The following AHCY variants were observed in gnomAD, a reference collection of about 807,000 sequenced individuals.
The protein encoded by AHCY is S-adenosyl-L-homocysteine hydrolase.
Under a neutral mutation model 45.4 loss-of-function variants are expected in AHCY, and 24 were observed. That is an observed-to-expected ratio of 0.53 (90% CI 0.38 to 0.74). AHCY has a LOEUF of 0.74. Among genes scored for constraint, AHCY ranks in the 30% least tolerant of loss-of-function variants. The pLI is 0.00. For synonymous variants in AHCY, 245 were observed against 235.1 expected (o/e 1.04, Z -0.39); for missense variants, 449 against 594.1 (o/e 0.76, Z 2.54).
At position 34,301,854 on chromosome 20, in the gene AHCY, C is replaced by A. The variant is rs534370910; in HGVS notation, c.28+1389G>T. ...CAACAGAATCTTTGCAAGTCACCTC[C>A]CAAGGGCCTCAGTTTCATGCTCTAT... On this transcript the variant is annotated intron_variant, in intron 1 of 9. Transcript: ENST00000217426. The A allele has an allele frequency of 9.4e-5, 93 of 985,430 alleles. No homozygotes were observed. The South Asian group carries it at 3.1e-3, about 33-fold the overall frequency. 61.0% of individuals were successfully genotyped at this position (985,430 alleles called of 1,614,324 possible). A position where few individuals can be genotyped will look rare whatever the true frequency, so the allele number is the denominator to read the frequency against.
intron 9 of AHCY, among the ~76,000 whole-genome samples, chr20:34,282,321 T>C (rs983001214): frequency 1.3e-5 from 2 of 152,178 alleles, no homozygotes; most frequent in African/African-American, 4.8e-5. Flanking sequence ...TCAACAGCGA[T>C]GTGAAGAGGA....
At chr20:34,262,733 G>T in the AHCY span, 1 of 1,346,058 alleles carries the variant, frequency 7.4e-7, no homozygotes. Context: ...TCCTCTCCCT[G>T]ACCTTGTGAC....
At chr20:34,284,401 A>G (rs1390647844) in intron 9 of AHCY, among the ~76,000 whole-genome samples, 2 of 151,912 alleles carry the variant, frequency 1.3e-5, no homozygotes, top group Admixed American at 1.3e-4. Flanking sequence ...ACCTCAAATG[A>G]TCTGCCCACC....
upstream of AHCY, among the ~76,000 whole-genome samples, chr20:34,306,076 C>T (rs1241942932): frequency 1.4e-4 from 9 of 65,530 alleles, no homozygotes; most frequent in African/African-American, 4.8e-4. Flanking sequence ...AACAAGACTG[C>T]CTCAAAAAAA....
downstream of AHCY, among the ~76,000 whole-genome samples, chr20:34,276,413 G>A (rs879808258): frequency 2.6e-5 from 4 of 152,118 alleles, no homozygotes; most frequent in Admixed American, 2.0e-4. Flanking sequence ...GGTTGAGGAG[G>A]GGCATTCAGT....
chr20:34,237,401 A>G, the AHCY span, among the ~76,000 whole-genome samples: 3 of 152,138 alleles, frequency 2.0e-5, no homozygotes, highest in African/African-American at 7.2e-5. Flanking sequence ...GGCTATGTTA[A>G]TTCCTAATTC....
the AHCY span, among the ~76,000 whole-genome samples, chr20:34,234,288 T>G: frequency 6.6e-6 from 1 of 152,190 alleles, no homozygotes; most frequent in Admixed American, 6.5e-5. Flanking sequence ...TGTAATCTTC[T>G]AAGTAGCAGA....
the AHCY span, among the ~76,000 whole-genome samples, chr20:34,241,878 T>G: frequency 3.3e-5 from 5 of 152,218 alleles, no homozygotes; most frequent in Non-Finnish European, 5.9e-5. Context: ...AGAGCAGAAT[T>G]TAGGATTTAG....
rs1224825274 is a variant in AHCY, at chr20:34,285,480, G to A, written c.1127C>T (p.Pro376Leu). Residue 376 changes from proline to leucine, a missense_variant, in exon 9 of 10, where the codon CCA becomes CTA. By Grantham distance (98) the Pro-to-Leu change is moderately conservative (BLOSUM62 -3). Coordinates refer to ENST00000217426, the MANE Select transcript of AHCY (RefSeq NM_000687.4). ...VMAQIELWTHPDKYPVGVHFL... is the reference protein window; with the variant it reads ...VMAQIELWTHLDKYPVGVHFL... ...ATGAACCCCAACGGGGTACTTGTCT[G>A]GATGGGTCCACAGCTCGATCTGCGC... The A allele has an allele frequency of 6.2e-7, 1 of 1,614,054 alleles. No homozygotes were observed. The highest frequency in any genetic ancestry group is 2.2e-5 in the East Asian group (1 of 44,876).
chr20:34,305,502 T>C (rs1321640984), upstream of AHCY, among the ~76,000 whole-genome samples: 1 of 152,082 alleles, frequency 6.6e-6, no homozygotes, highest in Non-Finnish European at 1.5e-5. Context: ...TCCTCACGCA[T>C]CCCTTTCAGC....
rs2036391079 is a variant in AHCY at position 34,291,449 on chromosome 20, A to G, written c.528T>C (p.Pro176=). Residue 176 remains proline (P), a synonymous_variant, in exon 5 of 10, where the codon CCT becomes CCC. Coordinates refer to ENST00000217426, the MANE Select transcript of AHCY (RefSeq NM_000687.4). ...KMMANGILKV[P]AINVNDSVTK... is the part of the protein sequence containing the mutation. ...TGACGGAGTCATTGACATTGATGGC[A>G]GGCACCTTGAGGATCCCATTGGCCA... The G allele has an allele frequency of 6.2e-7, 1 of 1,614,142 alleles. No individual in the cohort carries two copies.
the AHCY span, among the ~76,000 whole-genome samples, chr20:34,272,676 C>T: frequency 2.6e-5 from 4 of 152,098 alleles, no homozygotes; most frequent in Non-Finnish European, 4.4e-5. Context: ...CGTTTAAGTC[C>T]AGGAGTTCAA....
intron 1 of AHCY, among the ~76,000 whole-genome samples, chr20:34,299,705 C>G (rs925788470): frequency 6.6e-6 from 1 of 152,140 alleles, no homozygotes; most frequent in Non-Finnish European, 1.5e-5. Flanking sequence ...CTCCTTTGCC[C>G]CCACTACCGG....
the AHCY span, among the ~76,000 whole-genome samples, chr20:34,263,931 A>G: frequency 6.6e-6 from 1 of 152,234 alleles, no homozygotes; most frequent in South Asian, 2.1e-4. Flanking sequence ...TCAGCCTACC[A>G]AAGTGCTGGG....
intron 1 of AHCY, among the ~76,000 whole-genome samples, chr20:34,311,125 C>A (rs915593379): frequency 6.6e-6 from 1 of 152,064 alleles, no homozygotes; most frequent in East Asian, 1.9e-4. Context: ...GTCTAAAAAA[C>A]AAACAAAACA....
At chr20:34,256,411 C>T in the AHCY span, among the ~76,000 whole-genome samples, 1 of 152,176 alleles carries the variant, frequency 6.6e-6, no homozygotes, top group Admixed American at 6.5e-5. Flanking sequence ...CGTCTCCACA[C>T]ATGAGGAGAA....
chr20:34,246,171 T>C, the AHCY span: 1 of 1,093,260 alleles, frequency 9.1e-7, no homozygotes, highest in Non-Finnish European at 1.4e-6. Flanking sequence ...ACATGTTTCT[T>C]CTTTGCTCTA....
Position 34,292,323 on chromosome 20 carries a change from A to C in AHCY, c.445+35T>G, listed in dbSNP as rs779559117. 1.9e-6 allele frequency: 3 copies of C among 1,607,132 alleles called. No homozygotes were observed. In the East Asian group the frequency reaches 6.7e-5, roughly 36 times the overall value. On this transcript the variant is annotated intron_variant, in intron 4 of 9. Coordinates refer to ENST00000217426, the MANE Select transcript of AHCY (RefSeq NM_000687.4). Reference sequence around the variant, plus strand: ...TGGGCAAACAGGCCCCACCCAGGCCACCAGCACCCAGCCCACCTGCCCCGC... The same window carrying C: ...TGGGCAAACAGGCCCCACCCAGGCCCCCAGCACCCAGCCCACCTGCCCCGC...
chr20:34,264,894 C>T, the AHCY span, among the ~76,000 whole-genome samples: 1 of 148,944 alleles, frequency 6.7e-6, no homozygotes, highest in Non-Finnish European at 1.5e-5. Flanking sequence ...CTCCCAGGCT[C>T]AAGTGATCCT....
Sources: gnomAD v4.1 joint callset for allele counts (sites outside exome capture counted in the v4.1 genomes callset) on GRCh38, gnomAD v4.1.1 for gene constraint, MANE v1.5 for transcripts, NCBI Gene and HGNC (gene_info 2026-07-23, HGNC 2026-07-21) for gene names.